The following SLCO1B3 variants were observed in gnomAD, a reference collection of about 807,000 sequenced individuals.
SLCO1B3 encodes solute carrier organic anion transporter family member 1B3, also known as liver-specific organic anion transporter 2.
A neutral mutation model predicts 71.8 loss-of-function variants in SLCO1B3; 72 were observed. That is an observed-to-expected ratio of 1.00 (90% confidence interval 0.83 to 1.22). The LOEUF is 1.22. Among genes scored for constraint, SLCO1B3 ranks in the 50% most tolerant of loss-of-function variants. The pLI is 0.00. For synonymous variants in SLCO1B3, 298 were observed against 278.4 expected, an observed-to-expected ratio of 1.07 and a Z score of -0.70; for missense variants, 911 against 819.7, an observed-to-expected ratio of 1.11 and a Z score of -1.36.
chr12:20,862,121 T>A (rs188435524), intron 6 of SLCO1B3, among the ~76,000 whole-genome samples: 3 of 152,156 alleles, frequency 2.0e-5, no homozygotes, highest in Admixed American at 1.3e-4. Context: ...CCTGGATTTT[T>A]AAATATGTAA....
At chr12:20,891,424 T>C (rs1865901287) in intron 13 of SLCO1B3, among the ~76,000 whole-genome samples, 2 of 152,080 alleles carry the variant, frequency 1.3e-5, no homozygotes, top group African/African-American at 4.8e-5. Context: ...TACAGGTAAT[T>C]AGATACCTCT....
chr12:20,829,454 T>G (rs563176824), intron 3 of SLCO1B3, among the ~76,000 whole-genome samples: 11 of 152,314 alleles, frequency 7.2e-5, no homozygotes, highest in South Asian at 2.1e-4. Flanking sequence ...CTTCTTTGTT[T>G]GAAGCAAGTG....
intron 8 of SLCO1B3, among the ~76,000 whole-genome samples, chr12:20,865,778 A>G (rs1865361976): frequency 6.6e-6 from 1 of 152,146 alleles, no homozygotes; most frequent in South Asian, 2.1e-4. Flanking sequence ...GCACAAATCT[A>G]TTATTAAAAG....
intron 3 of SLCO1B3, among the ~76,000 whole-genome samples, chr12:20,820,217 A>T (rs1262104469): frequency 6.6e-6 from 1 of 152,108 alleles, no homozygotes; most frequent in Non-Finnish European, 1.5e-5. Context: ...GAGTTACCTA[A>T]AGCTCGGCGT....
intron 3 of SLCO1B3, among the ~76,000 whole-genome samples, chr12:20,821,721 A>C (rs1013989553): frequency 1.3e-5 from 2 of 152,074 alleles, no homozygotes; most frequent in Non-Finnish European, 2.9e-5. Context: ...CCCCCAGAAA[A>C]GCGGGACTTG....
intron 9 of SLCO1B3, among the ~76,000 whole-genome samples, chr12:20,877,318 A>G (rs1865602256): frequency 6.6e-6 from 1 of 152,226 alleles, no homozygotes; most frequent in Non-Finnish European, 1.5e-5. Flanking sequence ...AATGGTTAAA[A>G]TACTAAGTAC....
At chr12:20,893,838 G>A (rs1865950737) in intron 13 of SLCO1B3, among the ~76,000 whole-genome samples, 1 of 152,168 alleles carries the variant, frequency 6.6e-6, no homozygotes, top group South Asian at 2.1e-4. Flanking sequence ...CTGGTGACAG[G>A]ATGTGAGGCA....
intron 13 of SLCO1B3, among the ~76,000 whole-genome samples, chr12:20,895,821 C>G (rs1190120156): frequency 1.3e-5 from 2 of 152,232 alleles, no homozygotes; most frequent in African/African-American, 4.8e-5. Context: ...CAGAGGTTCT[C>G]TATGAGCACC....
chr12:20,912,816 C>T (rs532877253), intron 15 of SLCO1B3, among the ~76,000 whole-genome samples: 2 of 135,870 alleles, frequency 1.5e-5, no homozygotes, highest in South Asian at 6.0e-4. Flanking sequence ...GCCACTGCGC[C>T]CAGCCTTTTT....
In SLCO1B3 at chr12:20,916,484, T is replaced by G. The variant is rs1413728005; in HGVS notation, c.*237T>G. The G allele has an allele frequency of 3.2e-6, 1 of 313,388 alleles. No individual in the cohort carries two copies. The highest frequency in any genetic ancestry group is 5.2e-5 in the East Asian group (1 of 19,248). The allele number at this position is 313,388 out of a possible 1,614,324, so 19.4% of individuals were successfully genotyped here. A position where few individuals can be genotyped will look rare whatever the true frequency, so the allele number is the denominator to read the frequency against. On this transcript the variant is annotated 3_prime_UTR_variant, in exon 16 of 16. Coordinates refer to ENST00000381545, the MANE Select transcript of SLCO1B3 (RefSeq NM_019844.4). The stretch of plus-strand genomic sequence containing the variant: ...GGTTAGTGTGTGATACAATAAAAAG[T>G]AATTGTTTGGTAGTTGTAACTGCTA...
At chr12:20,816,736 G>A (rs958875651) in intron 3 of SLCO1B3, among the ~76,000 whole-genome samples, 6 of 152,278 alleles carry the variant, frequency 3.9e-5, no homozygotes, top group East Asian at 3.9e-4. Flanking sequence ...GCTGGATCAC[G>A]TGGTAGCTCA....
chr12:20,876,901 A>G (rs1027380945), intron 9 of SLCO1B3, among the ~76,000 whole-genome samples: 1 of 151,428 alleles, frequency 6.6e-6, no homozygotes, highest in Non-Finnish European at 1.5e-5. Flanking sequence ...TGCAATCTTG[A>G]CTCACTGCAA....
chr12:20,812,955 G>GA (rs1205400561), intron 1 of SLCO1B3, among the ~76,000 whole-genome samples: 2 of 152,126 alleles, frequency 1.3e-5, no homozygotes, highest in Non-Finnish European at 2.9e-5. Flanking sequence ...GATATTCGTG[G>GA]AAAAAGTGGT....
Position 20,862,755 on chromosome 12 carries a change from G to T in SLCO1B3, c.629-1G>T. 1.2e-6 allele frequency: 2 copies of T among 1,602,446 alleles called. No individual in the cohort carries two copies. The highest frequency in any genetic ancestry group is 1.7e-6 in the Non-Finnish European group (2 of 1,173,004). ...ATTAAATTGTTTTGTAATACTTACA[G>T]GTAGTTTGAATGCAATAGGAATGAT... On this transcript the variant is annotated splice_acceptor_variant, in intron 7 of 15. Coordinates refer to ENST00000381545, the MANE Select transcript of SLCO1B3 (RefSeq NM_019844.4). LOFTEE classifies it high-confidence loss of function.
chr12:20,826,927 C>G (rs12815346), intron 3 of SLCO1B3, among the ~76,000 whole-genome samples: 15,432 of 151,936 alleles, frequency 0.1, 1,049 homozygotes, highest in Middle Eastern at 0.16. Flanking sequence ...AACCCAGATA[C>G]TTAATGTAAC....
chr12:20,844,840 G>A (rs950713232), intron 3 of SLCO1B3, among the ~76,000 whole-genome samples: 5 of 151,962 alleles, frequency 3.3e-5, no homozygotes, highest in African/African-American at 1.2e-4. Context: ...GACCAGCCTG[G>A]CCAACATGGT....
chr12:20,906,078 C>A (rs1463604699), intron 15 of SLCO1B3, among the ~76,000 whole-genome samples: 3 of 147,422 alleles, frequency 2.0e-5, no homozygotes, highest in African/African-American at 7.3e-5. Flanking sequence ...GGAAATCCAC[C>A]CCCATGATCC....
chr12:20,838,098 T>TA (rs1864721374), intron 3 of SLCO1B3, among the ~76,000 whole-genome samples: 1 of 151,934 alleles, frequency 6.6e-6, no homozygotes, highest in Admixed American at 6.6e-5. Context: ...CCTTTTTTTT[T>TA]AAATCAATTT....
rs1865186988 is a variant in SLCO1B3, at chr12:20,858,471, T to G, written c.259T>G (p.Phe87Val). The change falls in exon 5 of 16, where the codon TTT becomes GTT. Residue 87 changes from phenylalanine (F) to valine (V), a missense_variant. Transcript: ENST00000381545. The part of the protein sequence containing the change: ...NLLVIVFVSY[F>V]GSKLHRPKLI... ...GCTTGTGATTGTATTTGTAAGTTAC[T>G]TTGGATCTAAACTACACAGACCGAA... 3 of 1,594,882 alleles carry G rather than the reference T, an allele frequency of 1.9e-6. No homozygotes were observed. In the South Asian group the frequency reaches 3.3e-5, roughly 18 times the overall value.
Sources: gnomAD v4.1 joint callset for allele counts (sites outside exome capture counted in the v4.1 genomes callset) on GRCh38, gnomAD v4.1.1 for gene constraint, MANE v1.5 for transcripts, NCBI Gene and HGNC (gene_info 2026-07-23, HGNC 2026-07-21) for gene names.